The following FIG4 variants were observed in gnomAD, a reference collection of about 807,000 sequenced individuals.
FIG4 encodes FIG4 phosphoinositide 5-phosphatase.
Under a neutral mutation model 118.6 loss-of-function variants are expected in FIG4, and 112 were observed. The ratio of observed to expected loss-of-function variants is 0.94; its 90% CI spans 0.81 to 1.11. FIG4 has a LOEUF of 1.11. FIG4 is among the 50% of genes least tolerant of loss of function. The probability of loss-of-function intolerance (pLI) is 0.00; values close to 1 mark genes in which losing one functional copy is unlikely to be tolerated. For missense variants in FIG4, 969 were observed against 1,111.7 expected (o/e 0.87, Z 1.83); for synonymous variants, 369 against 381.2 (o/e 0.97, Z 0.37).
At chr6:109,800,166 T>A (rs1281558502) in intron 22 of FIG4, among the ~76,000 whole-genome samples, 1 of 152,006 alleles carries the variant, frequency 6.6e-6, no homozygotes, top group African/African-American at 2.4e-5. Flanking sequence ...ACAGGATGGC[T>A]CCAGAGCCCA....
chr6:109,821,766 C>T lies in FIG4; in HGVS notation c.2547-3322C>T, dbSNP rs144104554. Reference sequence around the variant, plus strand: ...TCTGGGTCCAACTGCTGACCCACAGCGCATATAAAGGGCAGAGGAACACTT... The same window carrying T: ...TCTGGGTCCAACTGCTGACCCACAGTGCATATAAAGGGCAGAGGAACACTT... On this transcript the variant is annotated intron_variant, in intron 22 of 22. Transcript: ENST00000230124. 1.9e-4 allele frequency among the ~76,000 whole-genome samples: 29 copies of T among 152,264 alleles called. No individual in the cohort carries two copies. In the East Asian group the frequency reaches 4.4e-3, roughly 23 times the overall value.
At position 109,710,571 on chromosome 6, in the gene FIG4, A is replaced by G. The variant is rs143218877; in HGVS notation, c.67-4507A>G. ...GTACATCTTCTAGAATTCAGCTTGG[A>G]ATCTGTCTGGACCTGGATTTTTGTT... is the stretch of plus-strand genomic sequence containing the variant. On this transcript the variant is annotated intron_variant, in intron 1 of 22. Transcript: ENST00000230124. Among the ~76,000 whole-genome samples, 848 of 152,230 alleles carry G rather than the reference A, an allele frequency of 5.6e-3. 2 individuals are homozygous for G. The highest frequency in any genetic ancestry group is 9.1e-3 in the Admixed American group (139 of 15,298).
Position 109,765,119 on chromosome 6 carries a change from T to C in FIG4, c.1541T>C (p.Leu514Pro). The C allele has an allele frequency of 6.2e-7, 1 of 1,614,106 alleles. No homozygotes were observed. The highest frequency in any genetic ancestry group is 1.1e-5 in the South Asian group (1 of 91,084). The change falls in exon 14 of 23, where the codon CTG (leucine) becomes CCG (proline). Residue 514 changes from leucine (L) to proline (P), a missense_variant. By Grantham distance (98) the Leu-to-Pro change is moderately conservative. This residue lies in a region of FIG4 where 246 missense variants were observed against 354.3 expected (regional missense o/e 0.69). Coordinates refer to ENST00000230124, the MANE Select transcript of FIG4 (RefSeq NM_014845.6). ...ALAYQLYSLG[L>P]IDKPNLQFDT... ...GCCTATCAGCTGTATTCACTGGGACTGATTGACAAACCTAATCTACAGTTT... is the reference window on the plus strand; with the variant it reads ...GCCTATCAGCTGTATTCACTGGGACCGATTGACAAACCTAATCTACAGTTT...
At chr6:109,696,845 GTAAA>G (rs1774736979) in intron 1 of FIG4, among the ~76,000 whole-genome samples, 1 of 152,100 alleles carries the variant, frequency 6.6e-6, no homozygotes, top group East Asian at 1.9e-4. Context: ...CTGACTATAG[GTAAA>G]TAATTTATCA....
intron 1 of FIG4, among the ~76,000 whole-genome samples, chr6:109,695,893 A>G (rs990996672): frequency 1.3e-5 from 2 of 152,220 alleles, no homozygotes; most frequent in Non-Finnish European, 2.9e-5. Flanking sequence ...TTAAATTTTC[A>G]GGCAGAATTG....
intron 7 of FIG4, among the ~76,000 whole-genome samples, chr6:109,741,039 A>G (rs1422089992): frequency 1.3e-5 from 2 of 152,130 alleles, no homozygotes; most frequent in East Asian, 3.9e-4. Context: ...CCATGATGCA[A>G]TCACCTCCCA....
intron 16 of FIG4, among the ~76,000 whole-genome samples, chr6:109,783,082 G>C (rs1230996891): frequency 6.6e-6 from 1 of 152,182 alleles, no homozygotes; most frequent in African/African-American, 2.4e-5. Flanking sequence ...ATGGACACAT[G>C]ATGGGAGAGA....
chr6:109,727,064 T>C (rs771254580), intron 3 of FIG4, 45 bp from the exon 4 acceptor site: 3 of 1,471,184 alleles, frequency 2.0e-6, no homozygotes, highest in Non-Finnish European at 2.9e-6. Flanking sequence ...TAAAAGCCAT[T>C]ACTAAGTTTA....
rs182769147 is a variant in FIG4 at position 109,792,858 on chromosome 6, T to C, written c.2459+194T>C. 8.9e-3 allele frequency among the ~76,000 whole-genome samples: 1,345 copies of C among 151,886 alleles called. 19 individuals carry two copies. Among genetic ancestry groups the C allele is most frequent in the African/African-American group, 0.031 (1,294 of 41,412 alleles). On this transcript the variant is annotated intron_variant, in intron 21 of 22. Transcript: ENST00000230124. ...GGTGCACGCCACTATGCCTGGCTAA[T>C]TTTTTATATTTTAGTAGAGACGGGG...
intron 16 of FIG4, among the ~76,000 whole-genome samples, chr6:109,783,228 G>A (rs1777856226): frequency 6.6e-6 from 1 of 152,204 alleles, no homozygotes; most frequent in Non-Finnish European, 1.5e-5. Flanking sequence ...ATTTACCTAT[G>A]TAACAAACCT....
intron 3 of FIG4, among the ~76,000 whole-genome samples, chr6:109,719,065 T>A (rs1400362668): frequency 2.0e-5 from 3 of 151,922 alleles, no homozygotes; most frequent in Non-Finnish European, 4.4e-5. Context: ...ATTACCAGTG[T>A]GCGCCACCAT....
At chr6:109,756,828 T>C (rs1260280979) in intron 10 of FIG4, among the ~76,000 whole-genome samples, 1 of 152,242 alleles carries the variant, frequency 6.6e-6, no homozygotes, top group African/African-American at 2.4e-5. Flanking sequence ...ATTCTAGTTA[T>C]ACATTCGTTT....
intron 10 of FIG4, among the ~76,000 whole-genome samples, chr6:109,756,814 G>A (rs1345810968): frequency 1.3e-5 from 2 of 152,122 alleles, no homozygotes; most frequent in Middle Eastern, 3.4e-3. Context: ...TCTCTGTATT[G>A]GTTATTCTAG....
intron 1 of FIG4, among the ~76,000 whole-genome samples, chr6:109,703,735 G>A (rs144954633): frequency 8.5e-5 from 13 of 152,270 alleles, no homozygotes; most frequent in East Asian, 3.9e-4. Flanking sequence ...ACTCACAAGC[G>A]CCTGTCATCA....
At position 109,796,559 on chromosome 6, in the gene FIG4, A is replaced by G. The variant is rs145973867; in HGVS notation, c.2460-206A>G. Among the ~76,000 whole-genome samples, 243 of 152,382 alleles carry G rather than the reference A, an allele frequency of 1.6e-3. 1 individual carries two copies. The highest frequency in any genetic ancestry group is 5.7e-3 in the African/African-American group (237 of 41,588). On this transcript the variant is annotated intron_variant, in intron 21 of 22. Coordinates refer to ENST00000230124, the MANE Select transcript of FIG4 (RefSeq NM_014845.6). ...ATTCTTTTATCCATGGTTATGACTT[A>G]CATTTTAAGTAGAATCCCTTTTCCT...
intron 22 of FIG4, among the ~76,000 whole-genome samples, chr6:109,810,440 G>A (rs1284002024): frequency 6.6e-6 from 1 of 152,096 alleles, no homozygotes; most frequent in Non-Finnish European, 1.5e-5. Flanking sequence ...CTGGTGCATG[G>A]GCTAGAGCAT....
At chr6:109,815,862 T>G (rs1562699261) in intron 22 of FIG4, among the ~76,000 whole-genome samples, 1 of 150,106 alleles carries the variant, frequency 6.7e-6, no homozygotes, top group African/African-American at 2.5e-5. Context: ...GTTTAGATTA[T>G]GGGGGGGGGC....
chr6:109,748,720 A>G (rs1345576243), intron 10 of FIG4, among the ~76,000 whole-genome samples: 1 of 152,192 alleles, frequency 6.6e-6, no homozygotes, highest in Non-Finnish European at 1.5e-5. Flanking sequence ...AAGCCTCACA[A>G]TCATATCGGA....
chr6:109,732,756 G>A lies in FIG4; in HGVS notation c.497+69G>A. ...TTATATTATTTTCCAGCGGGTAAAA[G>A]CAGAATGAGAACATAGTAGTACTTC... On this transcript the variant is annotated intron_variant, in intron 5 of 22. Transcript: ENST00000230124. 5.3e-6 allele frequency: 5 copies of A among 939,340 alleles called. No individual in the cohort carries two copies. The South Asian group carries it at 6.7e-5, about 13-fold the overall frequency. 58.2% of individuals were successfully genotyped at this position (939,340 alleles called of 1,614,324 possible). A position where few individuals can be genotyped will look rare whatever the true frequency, so the allele number is the denominator to read the frequency against.
Sources: gnomAD v4.1 joint callset for allele counts (sites outside exome capture counted in the v4.1 genomes callset) on GRCh38, gnomAD v4.1.1 for gene constraint, gnomAD v4.1.1 regional missense constraint, MANE v1.5 for transcripts, NCBI Gene and HGNC (gene_info 2026-07-23, HGNC 2026-07-21) for gene names.